The following ANK2 variants were observed in gnomAD, a reference collection of about 807,000 sequenced individuals.
The protein encoded by ANK2 is ankyrin 2.
ANK2 carries 83 observed loss-of-function variants against 360.5 expected under a neutral mutation model. The observed-to-expected ratio is 0.23, with a 90% CI of 0.19 to 0.28. The LOEUF (loss-of-function observed/expected upper bound fraction) is 0.28. ANK2 is among the 10% of genes least tolerant of loss of function. The probability of loss-of-function intolerance (pLI) is 1.00; values close to 1 mark genes in which losing one functional copy is unlikely to be tolerated. For missense variants in ANK2, 4,201 were observed against 4,795.7 expected, an observed-to-expected ratio of 0.88 and a Z score of 3.66; for synonymous variants, 1,740 against 1,759.5, an observed-to-expected ratio of 0.99 and a Z score of 0.28.
intron 22 of ANK2, 48 bp downstream of exon 22, chr4:113,293,586 C>T (rs770081880): frequency 6.6e-7 from 1 of 1,512,876 alleles, no homozygotes; most frequent in Non-Finnish European, 9.1e-7. Context: ...TCTTCGTTTT[C>T]AAACTAAATA....
At chr4:112,809,093 A>G in the ANK2 span, among the ~76,000 whole-genome samples, 1 of 151,746 alleles carries the variant, frequency 6.6e-6, no homozygotes, top group Non-Finnish European at 1.5e-5. Flanking sequence ...TCTTGAACTC[A>G]GGTAATCCAC....
At chr4:113,214,307 G>A (rs1193745227) in intron 4 of ANK2, 10 of 1,031,570 alleles carry the variant, frequency 9.7e-6, no homozygotes, top group South Asian at 9.0e-5. Flanking sequence ...CCTTGGGCAC[G>A]CATCGGGCAC....
the ANK2 span, among the ~76,000 whole-genome samples, chr4:112,747,640 A>G: frequency 2.0e-5 from 3 of 152,104 alleles, no homozygotes; most frequent in Admixed American, 6.6e-5. Flanking sequence ...GAATTAAGTA[A>G]ATTGGTTCTG....
At chr4:113,325,238 G>A (rs2089143468) in intron 26 of ANK2, among the ~76,000 whole-genome samples, 1 of 152,138 alleles carries the variant, frequency 6.6e-6, no homozygotes, top group African/African-American at 2.4e-5. Context: ...CTGCAAAACA[G>A]CTGTTTTAAC....
intron 5 of ANK2, among the ~76,000 whole-genome samples, chr4:113,234,828 G>A (rs1010037657): frequency 9.8e-5 from 15 of 152,292 alleles, no homozygotes; most frequent in South Asian, 4.1e-4. Context: ...ATGGCACTTA[G>A]CATTGGTAAA....
chr4:113,331,162 A>C (rs934415308), intron 27 of ANK2, among the ~76,000 whole-genome samples: 9 of 152,204 alleles, frequency 5.9e-5, no homozygotes, highest in Non-Finnish European at 1.2e-4. Context: ...GAAATTAACA[A>C]AAGGATGAAG....
intron 1 of ANK2, among the ~76,000 whole-genome samples, chr4:113,131,524 G>A (rs994993255): frequency 1.6e-4 from 25 of 152,286 alleles, no homozygotes; most frequent in African/African-American, 5.8e-4. Context: ...ATGGCTGTAG[G>A]TTTCTCTTGT....
chr4:113,003,642 T>C (rs945521056), intron 2 of ANK2, among the ~76,000 whole-genome samples: 8 of 152,182 alleles, frequency 5.3e-5, no homozygotes, highest in Admixed American at 4.6e-4. Context: ...AGACCAATAA[T>C]TGGTGTAGGG....
At chr4:113,030,204 A>T (rs1400879183) in intron 2 of ANK2, among the ~76,000 whole-genome samples, 2 of 152,120 alleles carry the variant, frequency 1.3e-5, no homozygotes, top group Non-Finnish European at 2.9e-5. Context: ...TATAACTAAA[A>T]AAAACCAAAT....
chr4:113,310,981 A>T lies in ANK2; in HGVS notation c.2549-274A>T, dbSNP rs563343057. On this transcript the variant is annotated intron_variant, in intron 23 of 45. Transcript: ENST00000357077. ...TCATCTTAGAAGTTTTTTCTCCTAG[A>T]AGTAAACAACAAGGGATATCCAAAC... 2.6e-5 allele frequency among the ~76,000 whole-genome samples: 4 copies of T among 152,336 alleles called. No individual in the cohort carries two copies. In the East Asian group the frequency reaches 7.7e-4, roughly 29 times the overall value.
At chr4:113,116,408 C>T (rs554909311) in intron 1 of ANK2, among the ~76,000 whole-genome samples, 3 of 152,262 alleles carry the variant, frequency 2.0e-5, no homozygotes, top group South Asian at 2.1e-4. Context: ...TGTTCACTGA[C>T]AGCTCTTTTC....
intron 2 of ANK2, among the ~76,000 whole-genome samples, chr4:113,176,775 G>A (rs914648655): frequency 3.3e-5 from 5 of 151,846 alleles, no homozygotes; most frequent in East Asian, 3.9e-4. Flanking sequence ...GCTATCCCTC[G>A]CTCCTCCCCC....
chr4:112,731,672 G>A, the ANK2 span, among the ~76,000 whole-genome samples: 2 of 152,034 alleles, frequency 1.3e-5, no homozygotes, highest in African/African-American at 4.8e-5. Flanking sequence ...GTTTGAAGCT[G>A]CAGTGAGCCA....
At chr4:112,957,764 G>T (rs1197419648) in intron 2 of ANK2, among the ~76,000 whole-genome samples, 1 of 151,126 alleles carries the variant, frequency 6.6e-6, no homozygotes, top group Non-Finnish European at 1.5e-5. Context: ...CAGACGGGGT[G>T]GCTGCCGGGC....
At chr4:113,118,089 G>A (rs1014089836) in intron 1 of ANK2, among the ~76,000 whole-genome samples, 7 of 152,306 alleles carry the variant, frequency 4.6e-5, no homozygotes, top group Non-Finnish European at 2.9e-5. Flanking sequence ...GGGATGAAAT[G>A]TTGATTCCTT....
intron 1 of ANK2, among the ~76,000 whole-genome samples, chr4:112,855,609 T>C (rs1320659061): frequency 1.3e-5 from 2 of 152,370 alleles, no homozygotes; most frequent in East Asian, 3.9e-4. Context: ...TAGTATTTAC[T>C]ATATGCCAGG....
intron 4 of ANK2, among the ~76,000 whole-genome samples, chr4:113,216,097 C>T (rs892139956): frequency 3.7e-4 from 57 of 152,172 alleles, no homozygotes; most frequent in African/African-American, 1.3e-3. Flanking sequence ...GATTCTAAAT[C>T]TTCCACCTTA....
At chr4:112,753,279 T>C in the ANK2 span, among the ~76,000 whole-genome samples, 3 of 152,184 alleles carry the variant, frequency 2.0e-5, no homozygotes, top group Admixed American at 2.0e-4. Flanking sequence ...ATATTACAGT[T>C]GAGCGGACTA....
chr4:112,786,473 C>T, the ANK2 span, among the ~76,000 whole-genome samples: 106 of 148,162 alleles, frequency 7.2e-4, no homozygotes, highest in African/African-American at 2.4e-3. Flanking sequence ...TCTCGGCTCA[C>T]TGCAACCTCT....
Sources: gnomAD v4.1 joint callset for allele counts (sites outside exome capture counted in the v4.1 genomes callset) on GRCh38, gnomAD v4.1.1 for gene constraint, MANE v1.5 for transcripts, NCBI Gene and HGNC (gene_info 2026-07-23, HGNC 2026-07-21) for gene names.